The following RTL10 variants were observed in gnomAD, a reference collection of about 807,000 sequenced individuals.
RTL10 encodes retrotransposon Gag like 10.
For missense variants in RTL10, 477 were observed against 470.7 expected, an observed-to-expected ratio of 1.01 and a Z score of -0.12; for synonymous variants, 199 against 188.4, an observed-to-expected ratio of 1.06 and a Z score of -0.46.
In RTL10 at chr22:19,846,572, G is replaced by T; in HGVS notation, c.*4595C>A. The T allele has an allele frequency of 1.0e-6, 1 of 985,114 alleles. No individual in the cohort carries two copies. The allele number at this position is 985,114 out of a possible 1,614,324, so 61.0% of individuals were successfully genotyped here. Reference sequence around the variant, plus strand: ...ACCAGAGAAGCCTATCGCGGGCACCGCTGTGGGCAGAACTATGTCCCTTCA... The same window carrying T: ...ACCAGAGAAGCCTATCGCGGGCACCTCTGTGGGCAGAACTATGTCCCTTCA... On this transcript the variant is annotated 3_prime_UTR_variant, in exon 3 of 3. Coordinates refer to ENST00000328554, the MANE Select transcript of RTL10 (RefSeq NM_024627.6).
chr22:19,851,833 G>C lies in RTL10; in HGVS notation c.429C>G (p.Leu143=). ...QDNISRVCEI[L]RRLTGRAQAW... ...CCTGGGCTCGGCCTGTTAGGCGCCT[G>C]AGGATCTCGCAGACACGGCTGATGT... The change falls in exon 3 of 3, where the codon CTC becomes CTG. Residue 143 remains leucine, a synonymous_variant. Coordinates refer to ENST00000328554, the MANE Select transcript of RTL10 (RefSeq NM_024627.6). The C allele has an allele frequency of 1.9e-6, 3 of 1,614,014 alleles. No individual in the cohort carries two copies. Among genetic ancestry groups the C allele is most frequent in the Non-Finnish European group, 2.5e-6 (3 of 1,180,022 alleles).
At position 19,850,232 on chromosome 22, in the gene RTL10, T is replaced by C; in HGVS notation, c.*935A>G. 1 of 985,688 alleles carries C rather than the reference T, an allele frequency of 1.0e-6. No individual in the cohort carries two copies. The highest frequency in any genetic ancestry group is 1.2e-6 in the Non-Finnish European group (1 of 830,126). The allele number at this position is 985,688 out of a possible 1,614,324, so 61.1% of individuals were successfully genotyped here. On this transcript the variant is annotated 3_prime_UTR_variant, in exon 3 of 3. Coordinates refer to ENST00000328554, the MANE Select transcript of RTL10 (RefSeq NM_024627.6). ...GCTGGTAGGCAGCCACTGCACCACCTCAGCCAGTAATCCAACACGTGTTTA... is the reference window on the plus strand; with the variant it reads ...GCTGGTAGGCAGCCACTGCACCACCCCAGCCAGTAATCCAACACGTGTTTA...
In RTL10 at chr22:19,848,366, G is replaced by T; in HGVS notation, c.*2801C>A. ...CCTTCGGGTCTGCCAGTGTGTGGGG[G>T]CCAGAAGAGAAAAACAACCCAGGGG... On this transcript the variant is annotated 3_prime_UTR_variant, in exon 3 of 3. Coordinates refer to ENST00000328554, the MANE Select transcript of RTL10 (RefSeq NM_024627.6). 1.0e-6 allele frequency: 1 copy of T among 985,472 alleles called. No individual in the cohort carries two copies. The highest frequency in any genetic ancestry group is 1.2e-6 in the Non-Finnish European group (1 of 829,980). The allele number at this position is 985,472 out of a possible 1,614,324, so 61.0% of individuals were successfully genotyped here.
Sources: gnomAD v4.1 joint callset for allele counts on GRCh38, gnomAD v4.1.1 for gene constraint, MANE v1.5 for transcripts, NCBI Gene and HGNC (gene_info 2026-07-23, HGNC 2026-07-21) for gene names.